The following CCNY variants were observed in gnomAD, a reference collection of about 807,000 sequenced individuals.
CCNY encodes the protein cyclin Y, also known as cyclin-Y.
A neutral mutation model predicts 42.8 loss-of-function variants in CCNY; 19 were observed. That is an observed-to-expected ratio of 0.44 (90% CI 0.31 to 0.65). CCNY has a LOEUF of 0.65. Among genes scored for constraint, CCNY ranks in the 30% least tolerant of loss-of-function variants. The pLI, the probability that CCNY is intolerant of heterozygous loss-of-function variation, is 0.07. For missense variants in CCNY, 370 were observed against 437.3 expected, an observed-to-expected ratio of 0.85 and a Z score of 1.37; for synonymous variants, 165 against 162.7, an observed-to-expected ratio of 1.01 and a Z score of -0.11.
At chr10:35,517,349 A>G (rs1281177154) in intron 4 of CCNY, among the ~76,000 whole-genome samples, 2 of 152,254 alleles carry the variant, frequency 1.3e-5, no homozygotes, top group African/African-American at 2.4e-5. Context: ...CAAGTACTAT[A>G]GAGAACCTGA....
chr10:35,331,291 G>C (rs896091869), intron 3 of CCNY, among the ~76,000 whole-genome samples: 5 of 152,148 alleles, frequency 3.3e-5, no homozygotes, highest in Non-Finnish European at 2.9e-5. Flanking sequence ...CTGCTCACAG[G>C]TACATCCTAG....
chr10:35,469,861 T>G (rs1839351769), intron 1 of CCNY, among the ~76,000 whole-genome samples: 2 of 115,802 alleles, frequency 1.7e-5, no homozygotes, highest in African/African-American at 3.5e-5. Flanking sequence ...GACAGGAAGA[T>G]GGAGAGACAG....
chr10:35,352,251 C>T (rs897127010), intron 1 of CCNY, among the ~76,000 whole-genome samples: 2 of 152,192 alleles, frequency 1.3e-5, no homozygotes, highest in Non-Finnish European at 2.9e-5. Flanking sequence ...GCTAGTACTC[C>T]AAGGAACTAA....
At position 35,294,584 on chromosome 10, in the gene CCNY, C is replaced by T. The variant is rs77118380; in HGVS notation, c.-9+43958C>T. ...CATTAATTGATCTTCAGATGTTAAA[C>T]CACCTTTGCATTTCTGGGATAAATC... On this transcript the variant is annotated intron_variant, in intron 3 of 11. Coordinates refer to the CCNY transcript ENST00000374706. Among the ~76,000 whole-genome samples the T allele has an allele frequency of 1.8e-4, 27 of 152,302 alleles. No individual in the cohort carries two copies. The East Asian group carries it at 2.9e-3, about 16-fold the overall frequency.
intron 3 of CCNY, among the ~76,000 whole-genome samples, chr10:35,305,823 C>T (rs1201024693): frequency 1.3e-5 from 2 of 152,032 alleles, no homozygotes; most frequent in Non-Finnish European, 2.9e-5. Context: ...GATATATGAT[C>T]CTTAGAGGTA....
chr10:35,248,609 A>G (rs542305610), intron 2 of CCNY, among the ~76,000 whole-genome samples: 18 of 152,130 alleles, frequency 1.2e-4, no homozygotes, highest in African/African-American at 4.1e-4. Context: ...TCATCATTCC[A>G]TTGCACTCCA....
At chr10:35,463,520 A>G (rs1839198205) in intron 1 of CCNY, among the ~76,000 whole-genome samples, 1 of 152,234 alleles carries the variant, frequency 6.6e-6, no homozygotes, top group African/African-American at 2.4e-5. Context: ...GTGGAAGGTA[A>G]TAAATAGTGA....
chr10:35,432,802 T>C (rs1838441949), intron 1 of CCNY, among the ~76,000 whole-genome samples: 1 of 152,220 alleles, frequency 6.6e-6, no homozygotes, highest in Admixed American at 6.5e-5. Context: ...GAAAAATCCA[T>C]TATTAGAATG....
intron 1 of CCNY, among the ~76,000 whole-genome samples, chr10:35,441,731 A>C (rs1049520733): frequency 6.6e-6 from 1 of 152,214 alleles, no homozygotes. Context: ...TGGGTGACAG[A>C]GTGAGGCCCT....
intron 1 of CCNY, among the ~76,000 whole-genome samples, chr10:35,340,504 C>CTT (rs1210434335): frequency 1.1e-4 from 15 of 132,706 alleles, no homozygotes; most frequent in East Asian, 4.3e-4. Context: ...CAACTTCATT[C>CTT]TTTTTTTTTT....
rs939841827 is a variant in CCNY, at chr10:35,491,573, G to A, written c.229+8095G>A. 2.0e-5 allele frequency among the ~76,000 whole-genome samples: 3 copies of A among 152,146 alleles called. No individual in the cohort carries two copies. In the East Asian group the frequency reaches 5.8e-4, roughly 29 times the overall value. ...TGGCATGTCCAAATCAGAAGTCAGC[G>A]TCTTTCCTCTCCTGCCAGCTTCCTC... On this transcript the variant is annotated intron_variant, in intron 2 of 9. Coordinates refer to ENST00000374704, the MANE Select transcript of CCNY (RefSeq NM_145012.6).
At chr10:35,333,752 C>G (rs1176454273), upstream of CCNY, among the ~76,000 whole-genome samples, 1 of 152,180 alleles carries the variant, frequency 6.6e-6, no homozygotes, top group East Asian at 1.9e-4. Flanking sequence ...TCTCTCATTA[C>G]TATCATTTTG....
chr10:35,361,047 C>T (rs142461294), intron 1 of CCNY, among the ~76,000 whole-genome samples: 1,785 of 152,038 alleles, frequency 0.012, 42 homozygotes, highest in African/African-American at 0.041. Flanking sequence ...TTTTAGTAGA[C>T]GGGGTTTCGT....
At chr10:35,368,720 G>A (rs902986181) in intron 1 of CCNY, among the ~76,000 whole-genome samples, 13 of 152,254 alleles carry the variant, frequency 8.5e-5, no homozygotes, top group Non-Finnish European at 2.9e-5. Context: ...GCTGTGGGGT[G>A]GGCGGTGTGG....
intron 1 of CCNY, among the ~76,000 whole-genome samples, chr10:35,387,311 G>A (rs775099116): frequency 1.3e-5 from 2 of 152,162 alleles, no homozygotes; most frequent in Non-Finnish European, 2.9e-5. Context: ...GAGGGGTTGC[G>A]GGAGCTCCCA....
At position 35,400,904 on chromosome 10, in the gene CCNY, G is replaced by T. The variant is rs199746746; in HGVS notation, c.154+63697G>T. Among the ~76,000 whole-genome samples, 3 of 152,316 alleles carry T rather than the reference G, an allele frequency of 2.0e-5. No homozygotes were observed. In the East Asian group the frequency reaches 5.8e-4, roughly 29 times the overall value. ...TGTTTTTTAATAGTAGGCACACCATGGCATTGAACTATTATCTTAATGCGC... is the reference window on the plus strand; with the variant it reads ...TGTTTTTTAATAGTAGGCACACCATTGCATTGAACTATTATCTTAATGCGC... On this transcript the variant is annotated intron_variant, in intron 1 of 9. Coordinates refer to ENST00000374704, the MANE Select transcript of CCNY (RefSeq NM_145012.6).
chr10:35,317,357 G>GAAC (rs1401501278), intron 3 of CCNY, among the ~76,000 whole-genome samples: 1 of 152,184 alleles, frequency 6.6e-6, no homozygotes, highest in Admixed American at 6.6e-5. Context: ...GCACAGCAGT[G>GAAC]AACAGATCTA....
chr10:35,430,517 T>C (rs1291505534), intron 1 of CCNY, among the ~76,000 whole-genome samples: 1 of 152,118 alleles, frequency 6.6e-6, no homozygotes, highest in Non-Finnish European at 1.5e-5. Flanking sequence ...ATCAAATGGA[T>C]AAATTAGGAG....
chr10:35,377,765 G>A (rs1837086349), intron 1 of CCNY, among the ~76,000 whole-genome samples: 1 of 152,128 alleles, frequency 6.6e-6, no homozygotes, highest in African/African-American at 2.4e-5. Context: ...ACCATTATAT[G>A]TTAACATACA....
Sources: allele counts gnomAD v4.1 joint callset (sites outside exome capture counted in the v4.1 genomes callset), GRCh38; gene constraint gnomAD v4.1.1; transcripts MANE v1.5; gene names NCBI Gene and HGNC (gene_info 2026-07-23, HGNC 2026-07-21).